The following SEPTIN11 variants were observed in gnomAD, a reference collection of about 807,000 sequenced individuals.
The protein encoded by SEPTIN11 is septin-11.
SEPTIN11 carries 25 observed loss-of-function variants against 51.4 expected under a neutral mutation model. That is an observed-to-expected ratio of 0.49 (90% CI 0.35 to 0.68). The LOEUF (loss-of-function observed/expected upper bound fraction) is 0.68. SEPTIN11 is among the 30% of genes least tolerant of loss of function. The probability of loss-of-function intolerance (pLI) is 0.00; values close to 1 mark genes in which losing one functional copy is unlikely to be tolerated. For missense variants in SEPTIN11, 381 were observed against 520.8 expected, an observed-to-expected ratio of 0.73 and a Z score of 2.61; for synonymous variants, 174 against 184.1, an observed-to-expected ratio of 0.95 and a Z score of 0.44.
Position 76,995,274 on chromosome 4 carries a change from C to T in SEPTIN11, c.28-1151C>T, listed in dbSNP as rs879388562. Among the ~76,000 whole-genome samples, 13 of 151,692 alleles carry T rather than the reference C, an allele frequency of 8.6e-5. No individual in the cohort carries two copies. The East Asian group carries it at 1.7e-3, about 20-fold the overall frequency. ...GCGCGTGCCTATAATCCCAGCTACT[C>T]GGGAGGCTGAGGCACTAGAATCACT... is the stretch of plus-strand genomic sequence containing the variant. On this transcript the variant is annotated intron_variant, in intron 1 of 9. Coordinates refer to ENST00000264893, the MANE Select transcript of SEPTIN11 (RefSeq NM_018243.4).
Position 77,016,638 on chromosome 4 carries a change from A to ATATATATATATATATATG in SEPTIN11, c.687+1638_687+1639insGTATATATATATATATAT, listed in dbSNP as rs1578188243. ...CACATATATATATATATACACATAT[A>ATATATATATATATATATG]TATATATATATATATATACACATAT... On this transcript the variant is annotated intron_variant, in intron 5 of 9. Coordinates refer to ENST00000264893, the MANE Select transcript of SEPTIN11 (RefSeq NM_018243.4). Among the ~76,000 whole-genome samples, 5 of 97,846 alleles carry ATATATATATATATATATG rather than the reference A, an allele frequency of 5.1e-5. 1 individual carries two copies. Among genetic ancestry groups the ATATATATATATATATATG allele is most frequent in the South Asian group, 3.6e-4 (1 of 2,768 alleles). 64.2% of individuals were successfully genotyped at this position (97,846 alleles called of 152,430 possible). A position where few individuals can be genotyped will look rare whatever the true frequency, so the allele number is the denominator to read the frequency against.
intron 1 of SEPTIN11, among the ~76,000 whole-genome samples, chr4:76,993,028 AT>A (rs1274459546): frequency 1.4e-5 from 2 of 145,288 alleles, no homozygotes; most frequent in Non-Finnish European, 3.0e-5. Flanking sequence ...GAGTACCGAG[AT>A]CCCCTTGATG....
intron 3 of SEPTIN11, 43 bp downstream of exon 3, chr4:77,005,839 T>TAGC: frequency 6.4e-7 from 1 of 1,556,990 alleles, no homozygotes. Flanking sequence ...GATGAGGAGA[T>TAGC]AGCAGGATCC....
rs778082849 is a variant in SEPTIN11, at chr4:77,038,422, T to G, written c.*3910T>G. 6 of 985,764 alleles carry G rather than the reference T, an allele frequency of 6.1e-6. No homozygotes were observed. Among genetic ancestry groups the G allele is most frequent in the Non-Finnish European group, 7.2e-6 (6 of 829,832 alleles). 61.1% of individuals were successfully genotyped at this position (985,764 alleles called of 1,614,324 possible). On this transcript the variant is annotated 3_prime_UTR_variant, in exon 10 of 10. Coordinates refer to ENST00000264893, the MANE Select transcript of SEPTIN11 (RefSeq NM_018243.4). ...TATATGTAAGCTGCATGTTAGACAT[T>G]TGTCTTTTTTAAACTAAAGTAATTG... is the stretch of plus-strand genomic sequence containing the variant.
intron 5 of SEPTIN11, among the ~76,000 whole-genome samples, chr4:77,015,824 AG>A (rs1195272135): frequency 6.6e-6 from 1 of 152,218 alleles, no homozygotes; most frequent in African/African-American, 2.4e-5. Flanking sequence ...GGGGTGTGAA[AG>A]GAAGGTTGCC....
intron 1 of SEPTIN11, among the ~76,000 whole-genome samples, chr4:76,970,296 T>C (rs1198276464): frequency 1.3e-5 from 2 of 152,228 alleles, no homozygotes; most frequent in Admixed American, 6.5e-5. Context: ...TGTACCATAA[T>C]AGTTTTCACG....
chr4:76,950,131 T>C (rs1432792432), intron 1 of SEPTIN11, among the ~76,000 whole-genome samples: 1 of 152,120 alleles, frequency 6.6e-6, no homozygotes, highest in Non-Finnish European at 1.5e-5. Flanking sequence ...GATGCAACAG[T>C]GGATCGCCTC....
intron 1 of SEPTIN11, among the ~76,000 whole-genome samples, chr4:76,956,996 G>GTGTGTGTGTGTT (rs1560691551): frequency 2.7e-5 from 2 of 74,860 alleles, no homozygotes; most frequent in African/African-American, 8.2e-5. Context: ...GTGTGTGTGA[G>GTGTGTGTGTGTT]AGAGAGAGAG....
chr4:77,026,766 A>G (rs993873699), intron 7 of SEPTIN11, among the ~76,000 whole-genome samples: 27 of 152,212 alleles, frequency 1.8e-4, no homozygotes, highest in Admixed American at 1.4e-3. Context: ...AAAATTTCAT[A>G]AGAGGGACGA....
rs749646610 is a variant in SEPTIN11, at chr4:77,030,810, C to A, written c.1114C>A (p.Arg372=). 4 of 1,600,090 alleles carry A rather than the reference C, an allele frequency of 2.5e-6. No individual in the cohort carries two copies. In the South Asian group the frequency reaches 4.5e-5, roughly 18 times the overall value. The change falls in exon 9 of 10, where the codon CGG becomes AGG. Residue 372 remains arginine (R), a synonymous_variant. Coordinates refer to ENST00000264893, the MANE Select transcript of SEPTIN11 (RefSeq NM_018243.4). ...ELHEKFDLLK[R]THQEEKKKVE... ...TCACGAGAAGTTTGACCTTCTAAAG[C>A]GGACACACCAAGAAGAAAAGAAGAA...
At chr4:76,990,906 A>G (rs1301221135) in intron 1 of SEPTIN11, among the ~76,000 whole-genome samples, 1 of 152,220 alleles carries the variant, frequency 6.6e-6, no homozygotes, top group Non-Finnish European at 1.5e-5. Flanking sequence ...GATTCTGCAA[A>G]CAGGAATGTG....
intron 1 of SEPTIN11, among the ~76,000 whole-genome samples, chr4:76,970,223 T>G (rs1236145073): frequency 6.6e-6 from 1 of 152,226 alleles, no homozygotes; most frequent in Non-Finnish European, 1.5e-5. Context: ...CAGGCAGAGT[T>G]AGGAGGACTA....
Position 76,949,789 on chromosome 4 carries a change from G to A in SEPTIN11, c.-115G>A. On this transcript the variant is annotated 5_prime_UTR_variant, in exon 1 of 10. Coordinates refer to ENST00000264893, the MANE Select transcript of SEPTIN11 (RefSeq NM_018243.4). Reference sequence around the variant, plus strand: ...CTGGCTGCCAGCGGGACGCCGGCGAGCAGAGCGCAGCCGCGAGGGAGGCGC... The same window carrying A: ...CTGGCTGCCAGCGGGACGCCGGCGAACAGAGCGCAGCCGCGAGGGAGGCGC... 1 of 1,169,422 alleles carries A rather than the reference G, an allele frequency of 8.6e-7. No homozygotes were observed. Among genetic ancestry groups the A allele is most frequent in the Non-Finnish European group, 1.2e-6 (1 of 844,880 alleles). 72.4% of individuals were successfully genotyped at this position (1,169,422 alleles called of 1,614,324 possible). A position where few individuals can be genotyped will look rare whatever the true frequency, so the allele number is the denominator to read the frequency against.
rs918345891 is a variant in SEPTIN11, at chr4:76,949,776, G to T, written c.-128G>T. On this transcript the variant is annotated 5_prime_UTR_variant, in exon 1 of 10. Transcript: ENST00000264893. ...GGAGCAGATGCCGCTGGCTGCCAGC[G>T]GGACGCCGGCGAGCAGAGCGCAGCC... 5.9e-6 allele frequency: 6 copies of T among 1,011,546 alleles called. No homozygotes were observed. The highest frequency in any genetic ancestry group is 5.1e-5 in the African/African-American group (3 of 58,420). 62.7% of individuals were successfully genotyped at this position (1,011,546 alleles called of 1,614,324 possible). A position where few individuals can be genotyped will look rare whatever the true frequency, so the allele number is the denominator to read the frequency against.
At chr4:77,013,461 A>G (rs1725014031) in intron 4 of SEPTIN11, among the ~76,000 whole-genome samples, 1 of 152,196 alleles carries the variant, frequency 6.6e-6, no homozygotes, top group Non-Finnish European at 1.5e-5. Context: ...CCTCTGATCA[A>G]TTTGGCCAAG....
intron 2 of SEPTIN11, among the ~76,000 whole-genome samples, chr4:76,999,458 C>T (rs1383291474): frequency 1.3e-5 from 2 of 152,054 alleles, no homozygotes; most frequent in East Asian, 3.8e-4. Context: ...TCTTACTGCC[C>T]ATTTGTATTT....
chr4:76,957,257 C>T lies in SEPTIN11; in HGVS notation c.27+7327C>T, dbSNP rs12644988. Among the ~76,000 whole-genome samples, 70 of 152,160 alleles carry T rather than the reference C, an allele frequency of 4.6e-4. No homozygotes were observed. The East Asian group carries it at 0.012, about 25-fold the overall frequency. Reference sequence around the variant, plus strand: ...GACAGAATGATTTCCCTTGGGACCTCGGCCCTTTGGACCTTTCCCAGCCAT... The same window carrying T: ...GACAGAATGATTTCCCTTGGGACCTTGGCCCTTTGGACCTTTCCCAGCCAT... On this transcript the variant is annotated intron_variant, in intron 1 of 9. Transcript: ENST00000264893.
At chr4:77,039,136 A>G, downstream of SEPTIN11, 1 of 1,288,282 alleles carries the variant, frequency 7.8e-7, no homozygotes, top group Non-Finnish European at 1.0e-6. Flanking sequence ...ATAGAGCATT[A>G]GAAGAGCAGG....
chr4:76,996,527 A>T lies in SEPTIN11; in HGVS notation c.130A>T (p.Ile44Phe). ...KSTSQGFCFN[I>F]LCVGETGIGK... is the part of the protein sequence containing the mutation. ...TACTTCTCAAGGATTCTGTTTCAAC[A>T]TCCTTTGTGTTGGTAAGTTATTCAT... The change falls in exon 2 of 10, where the codon ATC (isoleucine) becomes TTC (phenylalanine). Residue 44 changes from isoleucine to phenylalanine, a missense_variant. Physicochemically the swap from Ile to Phe is conservative, Grantham distance 21 (BLOSUM62 0). This residue lies in a region of SEPTIN11 where 184 missense variants were observed against 207.7 expected (regional missense o/e 0.89). Coordinates refer to ENST00000264893, the MANE Select transcript of SEPTIN11 (RefSeq NM_018243.4). 6.2e-7 allele frequency: 1 copy of T among 1,613,204 alleles called. No homozygotes were observed. The highest frequency in any genetic ancestry group is 8.5e-7 in the Non-Finnish European group (1 of 1,179,162).
Sources: gnomAD v4.1 joint callset for allele counts (sites outside exome capture counted in the v4.1 genomes callset) on GRCh38, gnomAD v4.1.1 for gene constraint, gnomAD v4.1.1 regional missense constraint, MANE v1.5 for transcripts, NCBI Gene and HGNC (gene_info 2026-07-23, HGNC 2026-07-21) for gene names.